The following SLC17A2 variants were observed in gnomAD, a reference collection of about 807,000 sequenced individuals.
The protein encoded by SLC17A2 is sodium-dependent phosphate transport protein 3.
SLC17A2 carries 38 observed loss-of-function variants against 52.1 expected under a neutral mutation model. That is an observed-to-expected ratio of 0.73 (90% CI 0.56 to 0.96). SLC17A2 has a LOEUF of 0.96. SLC17A2 is among the 40% of genes least tolerant of loss of function. The pLI is 0.00. For missense variants in SLC17A2, 508 were observed against 583.9 expected (o/e 0.87, Z 1.34); for synonymous variants, 226 against 211.9 (o/e 1.07, Z -0.58).
chr6:25,925,648 G>A, intron 2 of SLC17A2, 121 bp downstream of exon 2: 1 of 924,926 alleles, frequency 1.1e-6, no homozygotes. Flanking sequence ...GGCTGGAGCT[G>A]GCTCCAATGT....
chr6:25,916,772 A>G lies in SLC17A2; in HGVS notation c.843T>C (p.Gly281=). Reference sequence around the variant, plus strand: ...TGCACAACCAGAAATGGCTGAAAAAACCCAGGAAAATGGCCCAAAGTGGTA... The same window carrying G: ...TGCACAACCAGAAATGGCTGAAAAAGCCCAGGAAAATGGCCCAAAGTGGTA... ...TCLPLWAIFL[G]FFSHFWLCTI... Residue 281 remains glycine (G), a synonymous_variant, in exon 8 of 12, where the codon GGT becomes GGC. Coordinates refer to ENST00000377850, the MANE Select transcript of SLC17A2 (RefSeq NM_001286123.3). 1 of 1,614,016 alleles carries G rather than the reference A, an allele frequency of 6.2e-7. No individual in the cohort carries two copies. The highest frequency in any genetic ancestry group is 1.1e-5 in the South Asian group (1 of 91,068).
chr6:25,923,886 G>A lies in SLC17A2; in HGVS notation c.49C>T (p.Arg17Cys), dbSNP rs749453838. 9.3e-6 allele frequency: 15 copies of A among 1,614,028 alleles called. No homozygotes were observed. The highest frequency in any genetic ancestry group is 2.2e-5 in the East Asian group (1 of 44,888). Residue 17 changes from arginine (R) to cysteine (C), a missense_variant, in exon 3 of 12, where the codon CGC (arginine) becomes TGC (cysteine). Physicochemically the swap from Arg to Cys is radical, Grantham distance 180. Coordinates refer to ENST00000377850, the MANE Select transcript of SLC17A2 (RefSeq NM_001286123.3). ...TGCATGATAAGAGCCAGCCCATAGC[G>A]TAATGAACAGAAATCTGGACCTAGA... ...TRKGPDFCSLRYGLALIMHFS... is the reference protein window; with the variant it reads ...TRKGPDFCSLCYGLALIMHFS...
Position 25,915,507 on chromosome 6 carries a change from G to A in SLC17A2, c.1203C>T (p.Ile401=), listed in dbSNP as rs1272174407. Residue 401 remains isoleucine, a synonymous_variant, in exon 10 of 12, where the codon ATC becomes ATT. Coordinates refer to ENST00000377850, the MANE Select transcript of SLC17A2 (RefSeq NM_001286123.3). ...DSGFIINTLD[I]APRYASFLMG... ...ACAGGTAGAGCTCTTACCTGGGGGC[G>A]ATATCTAAGGTGTTGATGATAAACC... The A allele has an allele frequency of 1.3e-6, 2 of 1,551,472 alleles. 1 individual carries two copies. The highest frequency in any genetic ancestry group is 2.4e-5 in the South Asian group (2 of 84,200).
At position 25,914,606 on chromosome 6, in the gene SLC17A2, T is replaced by C. The variant is rs200908431; in HGVS notation, c.1276A>G (p.Thr426Ala). The C allele has an allele frequency of 6.2e-7, 1 of 1,612,680 alleles. No homozygotes were observed. The highest frequency in any genetic ancestry group is 2.2e-5 in the East Asian group (1 of 44,854). Residue 426 changes from threonine (T) to alanine (A), a missense_variant, in exon 11 of 12, where the codon ACT becomes GCT. By Grantham distance (58) the Thr-to-Ala change is moderately conservative. Transcript: ENST00000377850. ...FGLIAGIISS[T>A]ATGFLISQDF... Reference sequence around the variant, plus strand: ...TGACTGATGAGGAATCCAGTGGCAGTGGAAGAGATGATTCCTGCGATGAGC... The same window carrying C: ...TGACTGATGAGGAATCCAGTGGCAGCGGAAGAGATGATTCCTGCGATGAGC...
chr6:25,913,645 T>C (rs1018539382), intron 11 of SLC17A2, among the ~76,000 whole-genome samples, 194 bp from the exon 12 acceptor site: 2 of 152,188 alleles, frequency 1.3e-5, no homozygotes, highest in African/African-American at 2.4e-5. Flanking sequence ...TGAGTTGAGA[T>C]GGTTATTTCT....
At chr6:25,925,989 A>G in intron 1 of SLC17A2, 110 bp from the exon 2 acceptor site, 1 of 639,716 alleles carries the variant, frequency 1.6e-6, no homozygotes. Flanking sequence ...TCTATAACTT[A>G]CATTTTATGG....
At chr6:25,917,227 T>G (rs1042185945) in intron 6 of SLC17A2, 140 bp from the exon 7 acceptor site, 1 of 668,064 alleles carries the variant, frequency 1.5e-6, no homozygotes, top group African/African-American at 1.8e-5. Flanking sequence ...AATGTTCCCA[T>G]TCTTTCTTTC....
Position 25,916,866 on chromosome 6 carries a change from C to A in SLC17A2, c.769-20G>T. 6.2e-7 allele frequency: 1 copy of A among 1,613,936 alleles called. No homozygotes were observed. Among genetic ancestry groups the A allele is most frequent in the African/African-American group, 1.3e-5 (1 of 75,012 alleles). On this transcript the variant is annotated intron_variant, in intron 7 of 11. Transcript: ENST00000377850. The stretch of plus-strand genomic sequence containing the variant: ...ACTGGGCTGAAAAGAAAGATCTAAT[C>A]AGCATGAGTATTAGAGCAGCCAAGA...
At chr6:25,923,635 T>C in intron 3 of SLC17A2, 60 bp downstream of exon 3, 1 of 1,266,496 alleles carries the variant, frequency 7.9e-7, no homozygotes, top group East Asian at 2.3e-5. Flanking sequence ...AATCAAGATC[T>C]ATGCCTTCCT....
chr6:25,921,141 A>G (rs1326895092), intron 4 of SLC17A2, 38 bp downstream of exon 4: 2 of 1,613,654 alleles, frequency 1.2e-6, no homozygotes, highest in Non-Finnish European at 1.7e-6. Context: ...GAATTCAGAA[A>G]TCTGGATCCC....
At chr6:25,920,287 G>A (rs145622384) in intron 5 of SLC17A2, among the ~76,000 whole-genome samples, 4 of 152,262 alleles carry the variant, frequency 2.6e-5, no homozygotes, top group Admixed American at 6.5e-5. Flanking sequence ...CTCTCAGCAC[G>A]ACAGGCTGGG....
intron 7 of SLC17A2, 28 bp downstream of exon 7, chr6:25,916,941 G>C (rs1340164260): frequency 6.2e-6 from 10 of 1,601,202 alleles, no homozygotes; most frequent in Non-Finnish European, 7.7e-6. Context: ...CCTCTGCATG[G>C]GCCACAGGTA....
In SLC17A2 at chr6:25,915,549, A is replaced by G; in HGVS notation, c.1161T>C (p.Ser387=). 1 of 1,582,888 alleles carries G rather than the reference A, an allele frequency of 6.3e-7. No homozygotes were observed. ...TGATAAACCCTGAGTCACATAGGTT[A>G]CTGGTCCCAGGAATAAGTATCAGCA... ...IILLILIPGT[S]NLCDSGFIIN... The change falls in exon 10 of 12, where the codon AGT becomes AGC. Residue 387 remains serine, a synonymous_variant. Transcript: ENST00000377850.
chr6:25,929,677 C>T lies in SLC17A2; in HGVS notation c.-84+600G>A, dbSNP rs964983993. Among the ~76,000 whole-genome samples the T allele has an allele frequency of 5.9e-5, 9 of 152,306 alleles. 2 individuals carry two copies. Among genetic ancestry groups the T allele is most frequent in the Admixed American group, 2.6e-4 (4 of 15,300 alleles). On this transcript the variant is annotated intron_variant, in intron 1 of 11. Coordinates refer to ENST00000377850, the MANE Select transcript of SLC17A2 (RefSeq NM_001286123.3). The stretch of plus-strand genomic sequence containing the variant: ...CTTTCTGAGAAATTGGTGCTGACCA[C>T]AATGTCCCTGGGTGCCTTTTCTTAG...
At chr6:25,914,792 A>C (rs1372144300) in intron 10 of SLC17A2, 122 bp from the exon 11 acceptor site, 1 of 637,572 alleles carries the variant, frequency 1.6e-6, no homozygotes, top group Non-Finnish European at 2.8e-6. Context: ...GCAGTTTTTC[A>C]TTCACCTAAA....
intron 10 of SLC17A2, 108 bp from the exon 11 acceptor site, chr6:25,914,778 T>G (rs1294524674): frequency 1.5e-5 from 10 of 675,994 alleles, no homozygotes; most frequent in Non-Finnish European, 2.1e-5. Context: ...TCATTTTGCT[T>G]AATGCAGTTT....
rs1766741260 is a variant in SLC17A2, at chr6:25,925,769, C to T, written c.28G>A (p.Gly10Ser). The change falls in exon 2 of 12, where the codon GGT becomes AGT. Residue 10 changes from glycine to serine, a missense_variant and splice_region_variant. Gly to Ser is a moderately conservative substitution (Grantham distance 56). Transcript: ENST00000377850. MDGKPATRK[G>S]PDFCSLRYGL... ...CTGCAAACAAGAGCAGTGGCTTTAC[C>T]TTTCCTGGTGGCAGGCTTCCCGTCC... 4 of 1,614,060 alleles carry T rather than the reference C, an allele frequency of 2.5e-6. No homozygotes were observed. In the Middle Eastern group the frequency reaches 4.9e-4, roughly 200 times the overall value.
intron 8 of SLC17A2, 95 bp from the exon 9 acceptor site, chr6:25,915,963 T>G: frequency 8.4e-7 from 1 of 1,196,538 alleles, no homozygotes; most frequent in Non-Finnish European, 1.2e-6. Flanking sequence ...ACCCCCATGA[T>G]ACTGTGGGTT....
intron 1 of SLC17A2, among the ~76,000 whole-genome samples, chr6:25,927,139 A>G (rs1490043057): frequency 6.6e-6 from 1 of 152,210 alleles, no homozygotes; most frequent in African/African-American, 2.4e-5. Context: ...GTTTTTGCAC[A>G]CAAAATTTAA....
Sources: allele counts gnomAD v4.1 joint callset (sites outside exome capture counted in the v4.1 genomes callset), GRCh38; gene constraint gnomAD v4.1.1; transcripts MANE v1.5; gene names NCBI Gene and HGNC (gene_info 2026-07-23, HGNC 2026-07-21).